SCN11A: variants seen among roughly 807,000 people sequenced by gnomAD.
SCN11A encodes sodium voltage-gated channel alpha subunit 11.
A neutral mutation model predicts 162.2 loss-of-function variants in SCN11A; 122 were observed. That is an observed-to-expected ratio of 0.75 (90% CI 0.65 to 0.87). The LOEUF is 0.87. Ranked by LOEUF, SCN11A falls within the 40% of genes least tolerant of loss-of-function variation. SCN11A has a pLI of 0.00. For missense variants in SCN11A, 2,015 were observed against 2,181.6 expected, an observed-to-expected ratio of 0.92 and a Z score of 1.52; for synonymous variants, 758 against 751.5, an observed-to-expected ratio of 1.01 and a Z score of -0.14.
chr3:39,023,514 T>G (rs1575362909), intron 2 of SCN11A, among the ~76,000 whole-genome samples: 1 of 152,142 alleles, frequency 6.6e-6, no homozygotes, highest in South Asian at 2.1e-4. Flanking sequence ...TTTGTCAAAG[T>G]AGGTTTATAA....
chr3:38,956,787 A>G (rs995202238), intron 3 of SCN11A, among the ~76,000 whole-genome samples: 9 of 152,322 alleles, frequency 5.9e-5, no homozygotes, highest in Non-Finnish European at 1.3e-4. Flanking sequence ...AAATTTTACT[A>G]CAAGCTGAAG....
intron 28 of SCN11A, among the ~76,000 whole-genome samples, chr3:38,852,705 T>C (rs2064802725): frequency 6.6e-6 from 1 of 152,080 alleles, no homozygotes; most frequent in African/African-American, 2.4e-5. Context: ...GCAATTGCTC[T>C]TCGTTTGTTT....
intron 2 of SCN11A, among the ~76,000 whole-genome samples, chr3:39,020,992 A>C (rs1178088607): frequency 1.3e-5 from 2 of 152,130 alleles, no homozygotes; most frequent in African/African-American, 4.8e-5. Flanking sequence ...TGCAATAGTG[A>C]GAGAAGAGCT....
At chr3:39,029,322 T>C (rs1483920989) in intron 2 of SCN11A, among the ~76,000 whole-genome samples, 4 of 152,226 alleles carry the variant, frequency 2.6e-5, no homozygotes, top group Non-Finnish European at 5.9e-5. Flanking sequence ...TTTTCTTGAT[T>C]ATAAATGAAG....
At chr3:39,024,235 T>C (rs551456989) in intron 2 of SCN11A, among the ~76,000 whole-genome samples, 112 of 152,330 alleles carry the variant, frequency 7.4e-4, no homozygotes, top group Non-Finnish European at 1.3e-3. Flanking sequence ...TGGATAGCCA[T>C]GTAGAAATGT....
chr3:38,889,617 G>A (rs2065460344), intron 19 of SCN11A, among the ~76,000 whole-genome samples: 2 of 151,306 alleles, frequency 1.3e-5, no homozygotes, highest in African/African-American at 4.9e-5. Context: ...GGCTAACATG[G>A]TGAAACCCCA....
intron 2 of SCN11A, among the ~76,000 whole-genome samples, chr3:39,000,863 C>T (rs759737872): frequency 2.0e-5 from 3 of 152,090 alleles, no homozygotes; most frequent in African/African-American, 7.2e-5. Context: ...ATGGCGAAAC[C>T]TTGTCTCTAC....
chr3:38,893,907 T>A (rs1050742147), intron 19 of SCN11A, among the ~76,000 whole-genome samples: 3 of 152,056 alleles, frequency 2.0e-5, no homozygotes, highest in Non-Finnish European at 4.4e-5. Flanking sequence ...CAAATATGAG[T>A]CAGTAAACAG....
At chr3:38,983,194 G>A (rs2125591147) in intron 2 of SCN11A, among the ~76,000 whole-genome samples, 1 of 152,194 alleles carries the variant, frequency 6.6e-6, no homozygotes, top group African/African-American at 2.4e-5. Flanking sequence ...TGGGTTTGTG[G>A]CCCCTGCATT....
chr3:39,017,031 T>C (rs1328142253), intron 2 of SCN11A, among the ~76,000 whole-genome samples: 3 of 152,216 alleles, frequency 2.0e-5, no homozygotes, highest in Admixed American at 1.3e-4. Flanking sequence ...AATTCATATG[T>C]TGAAATCCTA....
chr3:38,925,973 A>G (rs2066134632), intron 8 of SCN11A, among the ~76,000 whole-genome samples: 1 of 152,208 alleles, frequency 6.6e-6, no homozygotes, highest in South Asian at 2.1e-4. Context: ...CAATCTTTGA[A>G]CTTCAAATGT....
chr3:38,846,608 T>TTAGTGTATCAACAGGG lies in SCN11A; in HGVS notation c.*85_*86insCCCTGTTGATACACTA. On this transcript the variant is annotated 3_prime_UTR_variant, in exon 30 of 30. Coordinates refer to ENST00000302328, the MANE Select transcript of SCN11A (RefSeq NM_001349253.2). ...TGGCTAATTTGGTGAATCCACTCCC[T>TTAGTGTATCAACAGGG]GTTGATACACTAAGCTGCTGACCCC... is the stretch of plus-strand genomic sequence containing the variant. 1 of 1,010,516 alleles carries TTAGTGTATCAACAGGG rather than the reference T, an allele frequency of 9.9e-7. No homozygotes were observed. The allele number at this position is 1,010,516 out of a possible 1,614,324, so 62.6% of individuals were successfully genotyped here.
chr3:38,853,524 T>A (rs982694967), intron 28 of SCN11A, among the ~76,000 whole-genome samples: 1 of 152,238 alleles, frequency 6.6e-6, no homozygotes, highest in African/African-American at 2.4e-5. Flanking sequence ...GCCCTGACAT[T>A]CATTGACTTT....
intron 19 of SCN11A, among the ~76,000 whole-genome samples, chr3:38,888,791 A>C (rs1389913852): frequency 6.6e-6 from 1 of 152,218 alleles, no homozygotes; most frequent in East Asian, 1.9e-4. Context: ...ATGACACTTA[A>C]GCCATGATCT....
At position 38,892,359 on chromosome 3, in the gene SCN11A, C is replaced by T. The variant is rs554603231; in HGVS notation, c.2835+2174G>A. On this transcript the variant is annotated intron_variant, in intron 19 of 29. Transcript: ENST00000302328. The stretch of plus-strand genomic sequence containing the variant: ...ATGATAAAAAATATATATTTCTTTT[C>T]CTTTCTTCTTTTAGCTGATTTCAAA... Among the ~76,000 whole-genome samples, 342 of 152,212 alleles carry T rather than the reference C, an allele frequency of 2.2e-3. 3 individuals carry two copies. Among genetic ancestry groups the T allele is most frequent in the African/African-American group, 7.6e-3 (316 of 41,534 alleles).
intron 7 of SCN11A, among the ~76,000 whole-genome samples, chr3:38,937,565 C>T (rs1160988639): frequency 6.6e-5 from 10 of 151,454 alleles, no homozygotes; most frequent in Non-Finnish European, 7.4e-5. Flanking sequence ...GGGCGAAGGA[C>T]ATGAACAGAC....
At chr3:38,940,035 A>C (rs2066417280) in intron 7 of SCN11A, among the ~76,000 whole-genome samples, 1 of 146,798 alleles carries the variant, frequency 6.8e-6, no homozygotes, top group Non-Finnish European at 1.5e-5. Context: ...AAATATTGAT[A>C]TGTATAATAC....
At chr3:38,991,718 A>G (rs1196543237) in intron 2 of SCN11A, among the ~76,000 whole-genome samples, 1 of 152,192 alleles carries the variant, frequency 6.6e-6, no homozygotes, top group East Asian at 1.9e-4. Context: ...TGTTTTTCTT[A>G]TAACTGGCCT....
intron 1 of SCN11A, among the ~76,000 whole-genome samples, chr3:39,044,275 A>T (rs987270811): frequency 6.6e-6 from 1 of 152,170 alleles, no homozygotes; most frequent in Admixed American, 6.5e-5. Context: ...TAGACAGAAA[A>T]TCAACCAAGA....
Sources: gnomAD v4.1 joint callset for allele counts (sites outside exome capture counted in the v4.1 genomes callset) on GRCh38, gnomAD v4.1.1 for gene constraint, MANE v1.5 for transcripts, NCBI Gene and HGNC (gene_info 2026-07-23, HGNC 2026-07-21) for gene names.